Variants in RCHY1 observed in about 807,000 individuals in gnomAD.
RCHY1 encodes the protein RING finger and CHY zinc finger domain-containing protein 1.
A neutral mutation model predicts 41.6 loss-of-function variants in RCHY1; 21 were observed. The observed-to-expected ratio is 0.51, with a 90% CI of 0.36 to 0.73. The LOEUF is 0.73. Among genes scored for constraint, RCHY1 ranks in the 30% least tolerant of loss-of-function variants. The pLI, the probability that RCHY1 is intolerant of heterozygous loss-of-function variation, is 0.00. For missense variants in RCHY1, 265 were observed against 325.3 expected, an observed-to-expected ratio of 0.81 and a Z score of 1.43; for synonymous variants, 79 against 102.9, an observed-to-expected ratio of 0.77 and a Z score of 1.41.
chr4:75,495,239 C>T (rs1357189764), intron 3 of RCHY1, among the ~76,000 whole-genome samples: 1 of 151,846 alleles, frequency 6.6e-6, no homozygotes, highest in African/African-American at 2.4e-5. Flanking sequence ...ATGCTTTCTG[C>T]CTCTTGTTTA....
intron 1 of RCHY1, 97 bp downstream of exon 1, chr4:75,514,100 T>A: frequency 6.6e-7 from 1 of 1,524,074 alleles, no homozygotes; most frequent in South Asian, 1.2e-5. Flanking sequence ...AAAATCAGGT[T>A]AACCTCAAAC....
intron 4 of RCHY1, among the ~76,000 whole-genome samples, chr4:75,492,322 A>G (rs1049496209): frequency 6.6e-6 from 1 of 152,032 alleles, no homozygotes; most frequent in East Asian, 1.9e-4. Context: ...AATATTGGTA[A>G]TAATAGTTCA....
At chr4:75,487,892 C>CATAATATATATTCATAATATATATTCATA (rs1479975636) in intron 8 of RCHY1, among the ~76,000 whole-genome samples, 2 of 73,078 alleles carry the variant, frequency 2.7e-5, no homozygotes, top group Admixed American at 1.6e-4. Flanking sequence ...TATATATATT[C>CATAATATATATTCATAATATATATTCATA]ATATATATAT....
Position 75,479,866 on chromosome 4 carries a change from A to G in RCHY1, c.*2672T>C, listed in dbSNP as rs943331683. The G allele has an allele frequency of 6.6e-6, 1 of 152,210 alleles. No individual in the cohort carries two copies. The highest frequency in any genetic ancestry group is 1.5e-5 in the Non-Finnish European group (1 of 68,006). 9.4% of individuals were successfully genotyped at this position (152,210 alleles called of 1,614,324 possible). Reference sequence around the variant, plus strand: ...TCCTGTAAGCATTATAAAAAAGAATAGGAAAAGAATGAAGTTGTCTGTTAA... The same window carrying G: ...TCCTGTAAGCATTATAAAAAAGAATGGGAAAAGAATGAAGTTGTCTGTTAA... On this transcript the variant is annotated 3_prime_UTR_variant, in exon 9 of 9. Coordinates refer to ENST00000324439, the MANE Select transcript of RCHY1 (RefSeq NM_015436.4).
intron 3 of RCHY1, among the ~76,000 whole-genome samples, chr4:75,497,233 C>G (rs1373640519): frequency 2.6e-5 from 4 of 152,132 alleles, no homozygotes; most frequent in African/African-American, 4.8e-5. Flanking sequence ...TACATGTGTT[C>G]AGTTGAGCCT....
At chr4:75,506,129 A>G (rs1724281473) in intron 3 of RCHY1, among the ~76,000 whole-genome samples, 1 of 150,226 alleles carries the variant, frequency 6.7e-6, no homozygotes, top group Admixed American at 6.6e-5. Context: ...AACAGGACAT[A>G]CAAAAAAAAA....
At chr4:75,504,521 T>C (rs1212530907) in intron 3 of RCHY1, among the ~76,000 whole-genome samples, 1 of 152,226 alleles carries the variant, frequency 6.6e-6, no homozygotes, top group African/African-American at 2.4e-5. Context: ...ATAATACATA[T>C]AACATACAAA....
At chr4:75,511,184 G>A (rs1324953146) in intron 1 of RCHY1, among the ~76,000 whole-genome samples, 1 of 152,130 alleles carries the variant, frequency 6.6e-6, no homozygotes, top group Non-Finnish European at 1.5e-5. Context: ...AGTTCAGTGA[G>A]TTATTTACAT....
chr4:75,512,157 T>C (rs2148783132), intron 1 of RCHY1, among the ~76,000 whole-genome samples: 1 of 152,318 alleles, frequency 6.6e-6, no homozygotes, highest in East Asian at 1.9e-4. Flanking sequence ...TGCTGGTTCA[T>C]ATGAGGTGGA....
At chr4:75,487,811 AATAT>A (rs1343112490) in intron 8 of RCHY1, among the ~76,000 whole-genome samples, 1 of 43,354 alleles carries the variant, frequency 2.3e-5, no homozygotes, top group Non-Finnish European at 4.1e-5. Context: ...ATATATTCAT[AATAT>A]ATATTCATAA....
At chr4:75,513,978 AAGAAGGGTT>A in intron 1 of RCHY1, 1 of 587,474 alleles carries the variant, frequency 1.7e-6, no homozygotes, top group Non-Finnish European at 2.8e-6. Context: ...ATCACTTCCC[AAGAAGGGTT>A]TTGCTTTAAA....
intron 1 of RCHY1, among the ~76,000 whole-genome samples, chr4:75,512,769 CTT>C (rs1332612512): frequency 6.6e-6 from 1 of 152,058 alleles, no homozygotes; most frequent in Non-Finnish European, 1.5e-5. Context: ...TAAAACTCCT[CTT>C]GTCAAGATCA....
chr4:75,499,682 A>G (rs1220255307), intron 3 of RCHY1, among the ~76,000 whole-genome samples: 2 of 152,218 alleles, frequency 1.3e-5, no homozygotes, highest in Non-Finnish European at 2.9e-5. Context: ...AAAGACAAAT[A>G]TCACATGTTC....
At chr4:75,490,459 C>T in intron 8 of RCHY1, 122 bp downstream of exon 8, 1 of 610,536 alleles carries the variant, frequency 1.6e-6, no homozygotes, top group Non-Finnish European at 2.7e-6. Context: ...CATTAATCAT[C>T]ACATTAGCAT....
chr4:75,506,344 G>A (rs576851589), intron 3 of RCHY1, among the ~76,000 whole-genome samples: 10 of 150,902 alleles, frequency 6.6e-5, no homozygotes, highest in Admixed American at 5.9e-4. Flanking sequence ...AAACACCAAG[G>A]GAGAAAAAAC....
intron 1 of RCHY1, among the ~76,000 whole-genome samples, chr4:75,512,853 C>A (rs1267430700): frequency 6.9e-6 from 1 of 145,156 alleles, no homozygotes; most frequent in Non-Finnish European, 1.5e-5. Context: ...GCATTTGACC[C>A]AGCTGACCAC....
At chr4:75,514,482 C>T (rs371227626), upstream of RCHY1, 8 of 556,120 alleles carry the variant, frequency 1.4e-5, no homozygotes, top group African/African-American at 3.7e-5. Flanking sequence ...CAGACGCAGT[C>T]TCCGTCGTTG....
chr4:75,484,588 T>TA (rs1157225878), intron 8 of RCHY1, among the ~76,000 whole-genome samples: 1 of 152,108 alleles, frequency 6.6e-6, no homozygotes, highest in Admixed American at 6.6e-5. Context: ...ACCAAGGAAA[T>TA]ATGAGAGCCA....
chr4:75,513,827 TG>T (rs2148791093), intron 1 of RCHY1: 1 of 165,638 alleles, frequency 6.0e-6, no homozygotes, highest in East Asian at 1.7e-4. Context: ...GTTCTCCACT[TG>T]CTTATTTCCA....
Sources: gnomAD v4.1 joint callset for allele counts (sites outside exome capture counted in the v4.1 genomes callset) on GRCh38, gnomAD v4.1.1 for gene constraint, MANE v1.5 for transcripts, NCBI Gene and HGNC (gene_info 2026-07-23, HGNC 2026-07-21) for gene names.